The following COL22A1 variants were observed in gnomAD, a reference collection of about 807,000 sequenced individuals.
COL22A1 encodes the protein collagen type XXII alpha 1 chain.
In COL22A1, 221 loss-of-function variants were observed where a neutral mutation model predicts 248.9. The ratio of observed to expected loss-of-function variants is 0.89; its 90% CI spans 0.80 to 0.99. COL22A1 has a LOEUF of 0.99. Ranked by LOEUF, COL22A1 falls within the 50% of genes least tolerant of loss-of-function variation. The pLI is 0.00. For missense variants in COL22A1, 2,240 were observed against 2,179.0 expected, an observed-to-expected ratio of 1.03 and a Z score of -0.56; for synonymous variants, 891 against 793.4, an observed-to-expected ratio of 1.12 and a Z score of -2.07.
At chr8:138,910,922 T>G (rs1815407319) in intron 1 of COL22A1, among the ~76,000 whole-genome samples, 4 of 152,158 alleles carry the variant, frequency 2.6e-5, no homozygotes, top group Non-Finnish European at 5.9e-5. Flanking sequence ...ACACCACCCA[T>G]GTTGACCTCT....
chr8:138,722,841 A>T (rs1025356707), intron 25 of COL22A1, among the ~76,000 whole-genome samples: 2 of 5,186 alleles, frequency 3.9e-4, no homozygotes, highest in African/African-American at 1.0e-3. Context: ...ATATCGGGTC[A>T]CATGGGGGCG....
chr8:138,721,544 A>C (rs1030041824), intron 26 of COL22A1, among the ~76,000 whole-genome samples: 1 of 152,324 alleles, frequency 6.6e-6, no homozygotes, highest in South Asian at 2.1e-4. Context: ...AGTATTTAGA[A>C]GTTTTCCTCC....
At chr8:138,640,469 G>A (rs1356483363) in intron 47 of COL22A1, among the ~76,000 whole-genome samples, 1 of 151,962 alleles carries the variant, frequency 6.6e-6, no homozygotes, top group Admixed American at 6.6e-5. Flanking sequence ...TGTCCTGCTT[G>A]GAAAACCTTT....
chr8:138,648,403 T>C (rs138387126), intron 46 of COL22A1, among the ~76,000 whole-genome samples: 174 of 152,366 alleles, frequency 1.1e-3, no homozygotes, highest in African/African-American at 3.9e-3. Flanking sequence ...TTGTATTCCC[T>C]GTACCATGTA....
At chr8:138,624,917 G>A (rs992374730) in intron 51 of COL22A1, among the ~76,000 whole-genome samples, 5 of 152,196 alleles carry the variant, frequency 3.3e-5, no homozygotes, top group Non-Finnish European at 7.3e-5. Flanking sequence ...CTCACTATGT[G>A]TGGGGACTCA....
chr8:138,884,347 A>T (rs1038584911), intron 1 of COL22A1, among the ~76,000 whole-genome samples: 1 of 152,114 alleles, frequency 6.6e-6, no homozygotes, highest in African/African-American at 2.4e-5. Context: ...GGCATGGAAG[A>T]TTAGGGCATT....
chr8:138,818,123 C>T lies in COL22A1; in HGVS notation c.1245+3013G>A, dbSNP rs189640605. Reference sequence around the variant, plus strand: ...CTTGCTCTATATCTTTGGACATGTTCGTTATTCCCTCTGAGCCTCCGTATC... The same window carrying T: ...CTTGCTCTATATCTTTGGACATGTTTGTTATTCCCTCTGAGCCTCCGTATC... On this transcript the variant is annotated intron_variant, in intron 7 of 64. Transcript: ENST00000303045. Among the ~76,000 whole-genome samples, 23 of 152,230 alleles carry T rather than the reference C, an allele frequency of 1.5e-4. No individual in the cohort carries two copies. The East Asian group carries it at 3.5e-3, about 23-fold the overall frequency.
At chr8:138,715,640 T>C in intron 30 of COL22A1, 42 bp downstream of exon 30, 1 of 1,345,058 alleles carries the variant, frequency 7.4e-7, no homozygotes, top group Non-Finnish European at 1.0e-6. Flanking sequence ...AAAACCCAAC[T>C]AATAATAATT....
At chr8:138,803,128 AT>A (rs1817145859) in intron 10 of COL22A1, among the ~76,000 whole-genome samples, 194 bp from the exon 11 acceptor site, 1 of 152,194 alleles carries the variant, frequency 6.6e-6, no homozygotes, top group Non-Finnish European at 1.5e-5. Flanking sequence ...CAACATCACA[AT>A]TCCAGGAACC....
chr8:138,688,009 G>A (rs910152613), intron 37 of COL22A1, among the ~76,000 whole-genome samples: 10 of 152,166 alleles, frequency 6.6e-5, no homozygotes, highest in Non-Finnish European at 1.3e-4. Context: ...CAAGAGAGCT[G>A]GCATTTGACT....
At chr8:138,812,128 C>T (rs796608492) in intron 8 of COL22A1, among the ~76,000 whole-genome samples, 24 of 152,324 alleles carry the variant, frequency 1.6e-4, no homozygotes, top group African/African-American at 4.6e-4. Context: ...CTGGGTGAAC[C>T]GCCCACAGTC....
intron 56 of COL22A1, among the ~76,000 whole-genome samples, chr8:138,613,121 A>G (rs1384868545): frequency 6.6e-6 from 1 of 151,520 alleles, no homozygotes; most frequent in African/African-American, 2.4e-5. Flanking sequence ...GGTGGTGGGC[A>G]CCTGTAGTCC....
intron 63 of COL22A1, among the ~76,000 whole-genome samples, chr8:138,592,930 C>A (rs964432946): frequency 1.3e-5 from 2 of 152,256 alleles, no homozygotes; most frequent in African/African-American, 4.8e-5. Context: ...ATGTTTATTG[C>A]AGCACTATTT....
intron 39 of COL22A1, among the ~76,000 whole-genome samples, chr8:138,682,444 T>A (rs1826036053): frequency 6.6e-6 from 1 of 152,240 alleles, no homozygotes; most frequent in African/African-American, 2.4e-5. Context: ...ATTTTGAATA[T>A]GCATGTCAAA....
chr8:138,664,205 GCGCGCACACACACACACACACA>G (rs1193729399), intron 41 of COL22A1, among the ~76,000 whole-genome samples: 1 of 96,962 alleles, frequency 1.0e-5, no homozygotes, highest in Non-Finnish European at 2.2e-5. Flanking sequence ...GCGCGCGCGC[GCGCGCACACACACACACACACA>G]CACACACACA....
intron 59 of COL22A1, among the ~76,000 whole-genome samples, chr8:138,603,899 T>C (rs1331040218): frequency 6.6e-6 from 1 of 152,192 alleles, no homozygotes; most frequent in Non-Finnish European, 1.5e-5. Context: ...CTAATTTCCA[T>C]AGACCTACTT....
chr8:138,643,713 T>G (rs911552060), intron 47 of COL22A1, among the ~76,000 whole-genome samples: 1 of 150,834 alleles, frequency 6.6e-6, no homozygotes, highest in Non-Finnish European at 1.5e-5. Flanking sequence ...TTTAAAAAAT[T>G]TTTTTTTCTT....
At chr8:138,712,599 T>C (rs887199070) in intron 30 of COL22A1, among the ~76,000 whole-genome samples, 1 of 7,514 alleles carries the variant, frequency 1.3e-4, no homozygotes, top group Admixed American at 1.1e-3. Context: ...GCAGAGAGCA[T>C]ATGTTCTCCT....
intron 1 of COL22A1, among the ~76,000 whole-genome samples, chr8:138,902,737 T>TACACACACACACACAC (rs777413704): frequency 1.2e-4 from 13 of 107,060 alleles, no homozygotes; most frequent in East Asian, 5.5e-4. Context: ...TATATATATA[T>TACACACACACACACAC]ATACACACAC....
Sources: gnomAD v4.1 joint callset for allele counts (sites outside exome capture counted in the v4.1 genomes callset) on GRCh38, gnomAD v4.1.1 for gene constraint, MANE v1.5 for transcripts, NCBI Gene and HGNC (gene_info 2026-07-23, HGNC 2026-07-21) for gene names.